Variants in COQ4 observed in about 807,000 individuals in gnomAD.
COQ4 encodes the protein ubiquinone biosynthesis protein COQ4 homolog, mitochondrial.
COQ4 carries 36 observed loss-of-function variants against 30.2 expected under a neutral mutation model. The ratio of observed to expected loss-of-function variants is 1.19; its 90% CI spans 0.91 to 1.57. COQ4 has a LOEUF of 1.57. COQ4 is among the 40% of genes most tolerant of loss of function. The probability of loss-of-function intolerance (pLI) is 0.00; values close to 1 mark genes in which losing one functional copy is unlikely to be tolerated. For missense variants in COQ4, 369 were observed against 371.9 expected, an observed-to-expected ratio of 0.99 and a Z score of 0.07; for synonymous variants, 197 against 161.0, an observed-to-expected ratio of 1.22 and a Z score of -1.69.
At chr9:128,328,671 C>T (rs1399152041) in intron 4 of COQ4, among the ~76,000 whole-genome samples, 1 of 152,176 alleles carries the variant, frequency 6.6e-6, no homozygotes, top group Admixed American at 6.5e-5. Context: ...TTCTGTTCCT[C>T]ACAGTCTCCT....
Position 128,323,019 on chromosome 9 carries a change from T to C in COQ4, c.74T>C (p.Met25Thr). The C allele has an allele frequency of 6.2e-7, 1 of 1,611,686 alleles. No homozygotes were observed. ...LPGLQRPAAEMPLRARSDGAG... is the reference protein window; with the variant it reads ...LPGLQRPAAETPLRARSDGAG... ...CGGCCTTTTTCTTGCCCCGCAGAAA[T>C]GCCCCTCCGGGCTAGGAGCGACGGC... Residue 25 changes from methionine to threonine, a missense_variant, in exon 2 of 7, where the codon ATG becomes ACG. Met to Thr is a moderately conservative substitution (Grantham distance 81). Coordinates refer to ENST00000300452, the MANE Select transcript of COQ4 (RefSeq NM_016035.5).
In COQ4 at chr9:128,333,504, C is replaced by T; in HGVS notation, c.657C>T (p.Ile219=). ...TGCAAGTGCTGGTCTCGGAGTTGAT[C>T]CCATGGGCCGTTCAGAACGGGCGCA... is the stretch of plus-strand genomic sequence containing the variant. ...QSLQVLVSEL[I]PWAVQNGRRA... is the part of the protein sequence containing the mutation. The change falls in exon 7 of 7, where the codon ATC becomes ATT. Residue 219 remains isoleucine, a synonymous_variant. Coordinates refer to ENST00000300452, the MANE Select transcript of COQ4 (RefSeq NM_016035.5). The T allele has an allele frequency of 6.4e-7, 1 of 1,571,468 alleles. No homozygotes were observed. The highest frequency in any genetic ancestry group is 8.6e-7 in the Non-Finnish European group (1 of 1,161,588).
intron 3 of COQ4, among the ~76,000 whole-genome samples, 181 bp downstream of exon 3, chr9:128,325,420 A>T (rs1314553349): frequency 6.6e-6 from 1 of 152,194 alleles, no homozygotes; most frequent in Admixed American, 6.5e-5. Flanking sequence ...GTATACACTG[A>T]TGACTTCCGA....
In COQ4 at chr9:128,333,755, A is replaced by G; in HGVS notation, c.*110A>G. 2.0e-6 allele frequency: 2 copies of G among 1,020,958 alleles called. No individual in the cohort carries two copies. The highest frequency in any genetic ancestry group is 1.4e-6 in the Non-Finnish European group (1 of 740,672). 63.2% of individuals were successfully genotyped at this position (1,020,958 alleles called of 1,614,324 possible). ...CTCTTCTTTGAACACTGACCCTTGG[A>G]CAACATTTATCATAATTTGTCATAA... On this transcript the variant is annotated 3_prime_UTR_variant, in exon 7 of 7. Coordinates refer to ENST00000300452, the MANE Select transcript of COQ4 (RefSeq NM_016035.5).
intron 6 of COQ4, 114 bp from the exon 7 acceptor site, chr9:128,333,360 C>A: frequency 2.1e-6 from 2 of 936,462 alleles, no homozygotes; most frequent in Non-Finnish European, 3.1e-6. Flanking sequence ...GGGATAATAA[C>A]TACCTCCTTC....
chr9:128,325,245 T>A lies in COQ4; in HGVS notation c.299+6T>A. 1 of 1,603,118 alleles carries A rather than the reference T, an allele frequency of 6.2e-7. No homozygotes were observed. Among genetic ancestry groups the A allele is most frequent in the South Asian group, 1.1e-5 (1 of 90,654 alleles). ...GAGGGTGCCCAGATCCTGCAGTAGG[T>A]CCCAGCTCTGCCTGGGGGTCTGGGG... On this transcript the variant is annotated splice_donor_region_variant and intron_variant, in intron 3 of 6. Transcript: ENST00000300452.
intron 4 of COQ4, chr9:128,331,530 A>C (rs1832406994): frequency 6.6e-6 from 1 of 152,202 alleles, no homozygotes; most frequent in Non-Finnish European, 1.5e-5. Flanking sequence ...AGCTGGGAGC[A>C]AGTTATGCTA....
intron 4 of COQ4, chr9:128,330,435 CCAGCTACTTT>C (rs903304181): frequency 1.4e-4 from 21 of 151,808 alleles, no homozygotes; most frequent in Non-Finnish European, 2.6e-4. Context: ...TAATTTTCTG[CCAGCTACTTT>C]AATAGCAAAA....
chr9:128,323,166 C>G lies in COQ4; in HGVS notation c.202+19C>G. 1 of 1,571,786 alleles carries G rather than the reference C, an allele frequency of 6.4e-7. No individual in the cohort carries two copies. The highest frequency in any genetic ancestry group is 1.1e-5 in the South Asian group (1 of 88,360). On this transcript the variant is annotated intron_variant, in intron 2 of 6. Transcript: ENST00000300452. ...CGCCACGGTAAGGCCGCCCGCGCCT[C>G]GCCCCCGTGGGGGCGGCTTGGAGCC...
chr9:128,326,423 C>A (rs952921306), intron 4 of COQ4: 1 of 156,170 alleles, frequency 6.4e-6, no homozygotes, highest in East Asian at 1.9e-4. Flanking sequence ...TTGGCAAACT[C>A]ATTCACTAAC....
At chr9:128,332,427 C>T (rs375221130) in intron 5 of COQ4, 145 bp downstream of exon 5, 25 of 846,878 alleles carry the variant, frequency 3.0e-5, no homozygotes, top group African/African-American at 2.9e-4. Flanking sequence ...GCATCTTTGC[C>T]ACATGTCCCC....
intron 4 of COQ4, among the ~76,000 whole-genome samples, chr9:128,326,830 A>G (rs1289173041): frequency 1.3e-5 from 2 of 149,304 alleles, no homozygotes; most frequent in Non-Finnish European, 1.5e-5. Context: ...GCTCACTGCA[A>G]CTCAGCTTCC....
chr9:128,332,591 A>C lies in COQ4; in HGVS notation c.533-259A>C, dbSNP rs552413950. 324 of 585,162 alleles carry C rather than the reference A, an allele frequency of 5.5e-4. 1 individual carries two copies. Among genetic ancestry groups the C allele is most frequent in the Non-Finnish European group, 8.1e-4 (267 of 328,752 alleles). The allele number at this position is 585,162 out of a possible 1,614,324, so 36.2% of individuals were successfully genotyped here. A position where few individuals can be genotyped will look rare whatever the true frequency, so the allele number is the denominator to read the frequency against. On this transcript the variant is annotated intron_variant, in intron 5 of 6. Transcript: ENST00000300452. Reference sequence around the variant, plus strand: ...CTGCAGGAACCATCCTGGAGTGTTTAGCCTGGCTTATGGGGTCATGGGGTC... The same window carrying C: ...CTGCAGGAACCATCCTGGAGTGTTTCGCCTGGCTTATGGGGTCATGGGGTC...
rs1243192297 is a variant in COQ4 at position 128,325,156 on chromosome 9, T to C, written c.216T>C (p.Val72=). Residue 72 remains valine (V), a synonymous_variant, in exon 3 of 7, where the codon GTT becomes GTC. Coordinates refer to ENST00000300452, the MANE Select transcript of COQ4 (RefSeq NM_016035.5). ...YNPYRHDMVA[V]LGETTGHRTL... is the part of the protein sequence containing the mutation. The stretch of plus-strand genomic sequence containing the variant: ...CTGTCCTTTCAGACATGGTCGCAGT[T>C]CTAGGGGAGACCACAGGACACCGCA... 1.2e-6 allele frequency: 2 copies of C among 1,613,912 alleles called. No individual in the cohort carries two copies. Among genetic ancestry groups the C allele is most frequent in the Non-Finnish European group, 1.7e-6 (2 of 1,179,846 alleles).
chr9:128,333,611 C>A lies in COQ4; in HGVS notation c.764C>A (p.Thr255Lys). 1 of 1,597,572 alleles carries A rather than the reference C, an allele frequency of 6.3e-7. No homozygotes were observed. Among genetic ancestry groups the A allele is most frequent in the South Asian group, 1.1e-5 (1 of 88,508 alleles). The part of the protein sequence containing the change: ...LRALREELGI[T>K]APPMHVQGLA ...GCTCTGCGGGAGGAGCTGGGCATTACAGCACCACCCATGCACGTCCAGGGC... is the reference window on the plus strand; with the variant it reads ...GCTCTGCGGGAGGAGCTGGGCATTAAAGCACCACCCATGCACGTCCAGGGC... The change falls in exon 7 of 7, where the codon ACA becomes AAA. Residue 255 changes from threonine to lysine, a missense_variant. Thr to Lys is a moderately conservative substitution (Grantham distance 78). Transcript: ENST00000300452.
chr9:128,330,943 T>C (rs1381185976), intron 4 of COQ4: 1 of 151,666 alleles, frequency 6.6e-6, no homozygotes, highest in African/African-American at 2.4e-5. Context: ...GCTTACGCCA[T>C]TCTCCTGCCT....
intron 4 of COQ4, among the ~76,000 whole-genome samples, chr9:128,329,558 C>T (rs1002390706): frequency 2.6e-5 from 4 of 152,006 alleles, no homozygotes; most frequent in African/African-American, 7.2e-5. Flanking sequence ...TTAGTATAGG[C>T]GGGATTTCAT....
intron 3 of COQ4, 112 bp downstream of exon 3, chr9:128,325,351 A>G (rs1461450603): frequency 2.7e-6 from 2 of 747,594 alleles, no homozygotes; most frequent in Non-Finnish European, 4.4e-6. Flanking sequence ...TACCCTGGCT[A>G]CATATGGTTG....
chr9:128,333,186 T>G (rs754657634), intron 6 of COQ4, among the ~76,000 whole-genome samples: 2 of 152,136 alleles, frequency 1.3e-5, no homozygotes, highest in Non-Finnish European at 2.9e-5. Flanking sequence ...GGGCCAGGCC[T>G]AAGTGCATGG....
Sources: gnomAD v4.1 joint callset for allele counts (sites outside exome capture counted in the v4.1 genomes callset) on GRCh38, gnomAD v4.1.1 for gene constraint, MANE v1.5 for transcripts, NCBI Gene and HGNC (gene_info 2026-07-23, HGNC 2026-07-21) for gene names.